RUFY4: variants seen among roughly 807,000 people sequenced by gnomAD.
RUFY4 encodes the protein RUN and FYVE domain containing 4.
Under a neutral mutation model 69.0 loss-of-function variants are expected in RUFY4, and 73 were observed. The observed-to-expected ratio is 1.06, with a 90% CI of 0.88 to 1.29. The LOEUF (loss-of-function observed/expected upper bound fraction) is 1.29, where lower values mean the gene tolerates loss of function less well. Among genes scored for constraint, RUFY4 ranks in the 50% most tolerant of loss-of-function variants. The pLI is 0.00. For synonymous variants in RUFY4, 287 were observed against 271.8 expected (o/e 1.06, Z -0.55); for missense variants, 770 against 705.6 (o/e 1.09, Z -1.03).
At chr2:218,063,658 C>A (rs544851235) in intron 3 of RUFY4, among the ~76,000 whole-genome samples, 2 of 152,300 alleles carry the variant, frequency 1.3e-5, no homozygotes, top group East Asian at 1.9e-4. Context: ...ACCTCAGAAC[C>A]TCTGCAGGAA....
At chr2:218,089,477 C>G in intron 10 of RUFY4, 115 bp downstream of exon 12, 2 of 784,748 alleles carry the variant, frequency 2.5e-6, no homozygotes, top group Non-Finnish European at 4.2e-6. Flanking sequence ...TATAAAAGGC[C>G]ACTTACAGCT....
chr2:218,051,854 C>A (rs533936640), intron 2 of RUFY4, among the ~76,000 whole-genome samples: 2 of 152,284 alleles, frequency 1.3e-5, no homozygotes, highest in East Asian at 3.9e-4. Flanking sequence ...ACAACAACAA[C>A]AACAAAAACT....
At chr2:218,057,354 C>T (rs1170426788) in intron 2 of RUFY4, among the ~76,000 whole-genome samples, 1 of 152,118 alleles carries the variant, frequency 6.6e-6, no homozygotes, top group East Asian at 1.9e-4. Context: ...TTGATACTTC[C>T]TAGACATTTA....
At chr2:218,039,244 T>C (rs1488385519) in intron 2 of RUFY4, among the ~76,000 whole-genome samples, 2 of 152,072 alleles carry the variant, frequency 1.3e-5, no homozygotes, top group African/African-American at 2.4e-5. Flanking sequence ...AAATTTGACA[T>C]TTGTGGTAGG....
intron 8 of RUFY4, among the ~76,000 whole-genome samples, chr2:218,079,241 A>G (rs918662549): frequency 1.3e-5 from 2 of 152,132 alleles, no homozygotes; most frequent in Non-Finnish European, 2.9e-5. Context: ...TCCAGCGAGG[A>G]CCCTGCCATG....
intron 8 of RUFY4, 34 bp from the exon 11 acceptor site, chr2:218,083,076 C>T (rs1303497465): frequency 6.4e-7 from 1 of 1,552,038 alleles, no homozygotes; most frequent in Middle Eastern, 2.2e-4. Context: ...CTGAGCTTTG[C>T]CCCCTGAGAA....
chr2:218,058,197 G>A (rs1273870140), intron 2 of RUFY4, among the ~76,000 whole-genome samples: 1 of 152,206 alleles, frequency 6.6e-6, no homozygotes, highest in Non-Finnish European at 1.5e-5. Flanking sequence ...TCCACTCTGT[G>A]CACTGGGTCC....
chr2:218,070,660 G>T lies in RUFY4; in HGVS notation c.46+9G>T. 1 of 1,537,326 alleles carries T rather than the reference G, an allele frequency of 6.5e-7. No individual in the cohort carries two copies. The highest frequency in any genetic ancestry group is 8.7e-7 in the Non-Finnish European group (1 of 1,146,670). On this transcript the variant is annotated intron_variant, in intron 1 of 10. Coordinates refer to ENST00000344321, the Ensembl canonical transcript of RUFY4. ...CACCAAAGACCTAAGAGGTGAGTGTGTCCTGAGAGATGCTCTGGGACTGAG... is the reference window on the plus strand; with the variant it reads ...CACCAAAGACCTAAGAGGTGAGTGTTTCCTGAGAGATGCTCTGGGACTGAG...
intron 9 of RUFY4, among the ~76,000 whole-genome samples, chr2:218,083,995 C>T (rs1689830618): frequency 6.6e-6 from 1 of 152,140 alleles, no homozygotes; most frequent in Non-Finnish European, 1.5e-5. Context: ...GACCCTGGGC[C>T]TGTGGACCTG....
intron 2 of RUFY4, among the ~76,000 whole-genome samples, chr2:218,037,895 C>T (rs1959002530): frequency 6.6e-6 from 1 of 152,158 alleles, no homozygotes; most frequent in Non-Finnish European, 1.5e-5. Flanking sequence ...CACAAAAGTA[C>T]ATTTGGCCAA....
chr2:218,067,790 G>C (rs7419750), upstream of RUFY4, among the ~76,000 whole-genome samples: 20 of 151,988 alleles, frequency 1.3e-4, no homozygotes, highest in Admixed American at 9.2e-4. Flanking sequence ...CTGGCACCTC[G>C]CTCCATCCCA....
chr2:218,085,101 C>T (rs1430390174), intron 9 of RUFY4, among the ~76,000 whole-genome samples: 1 of 151,998 alleles, frequency 6.6e-6, no homozygotes, highest in Non-Finnish European at 1.5e-5. Flanking sequence ...GAAAACAAAA[C>T]GTATATATCC....
At chr2:218,072,402 T>C in exon 3 of RUFY4, 1 of 1,537,364 alleles carries the variant, frequency 6.5e-7, no homozygotes, top group Non-Finnish European at 8.7e-7. Context: ...AAGAGCTTCC[T>C]GGGGCCTCGG....
At chr2:218,066,816 T>A (rs143442374), upstream of RUFY4, among the ~76,000 whole-genome samples, 1,428 of 152,346 alleles carry the variant, frequency 9.4e-3, 32 homozygotes, top group African/African-American at 0.033. Context: ...TCACATTACA[T>A]TGGATTGTCG....
At chr2:218,070,592 A>G in exon 1 of RUFY4, 1 of 1,537,214 alleles carries the variant, frequency 6.5e-7, no homozygotes, top group Non-Finnish European at 8.7e-7. Context: ...GAATCACATC[A>G]TTTCCAAGTA....
intron 6 of RUFY4, among the ~76,000 whole-genome samples, chr2:218,074,733 G>GA (rs890203685): frequency 5.9e-5 from 9 of 152,098 alleles, no homozygotes; most frequent in African/African-American, 2.2e-4. Flanking sequence ...TTTTGCAGAT[G>GA]AAAAAACTGA....
At chr2:218,052,936 A>T (rs1688979655) in intron 2 of RUFY4, among the ~76,000 whole-genome samples, 1 of 151,782 alleles carries the variant, frequency 6.6e-6, no homozygotes, top group Non-Finnish European at 1.5e-5. Context: ...TCAAAATGAC[A>T]TTTGATTCCA....
At chr2:218,056,233 T>G (rs1325043030) in intron 2 of RUFY4, among the ~76,000 whole-genome samples, 2 of 151,876 alleles carry the variant, frequency 1.3e-5, no homozygotes, top group South Asian at 2.1e-4. Context: ...GTTGTTGTTT[T>G]TTTTTTTTTT....
At chr2:218,090,217 G>C (rs1356070496) in exon 11 of RUFY4, 2 of 410,812 alleles carry the variant, frequency 4.9e-6, no homozygotes, top group Non-Finnish European at 9.8e-6. Flanking sequence ...GTAGGGTGTG[G>C]GGAGTGGTTC....
Sources: gnomAD v4.1 joint callset for allele counts (sites outside exome capture counted in the v4.1 genomes callset) on GRCh38, gnomAD v4.1.1 for gene constraint, MANE v1.5 for transcripts, NCBI Gene and HGNC (gene_info 2026-07-23, HGNC 2026-07-21) for gene names.